USP34: variants seen among roughly 807,000 people sequenced by gnomAD.
USP34 encodes the protein ubiquitin specific peptidase 34, also known as ubiquitin carboxyl-terminal hydrolase 34.
In USP34, 70 loss-of-function variants were observed where a neutral mutation model predicts 460.3. The observed-to-expected ratio is 0.15, with a 90% confidence interval of 0.13 to 0.19. USP34 has a LOEUF of 0.19. USP34 is among the 10% of genes least tolerant of loss of function. USP34 has a pLI of 1.00. For missense variants in USP34, 3,985 were observed against 4,236.2 expected, an observed-to-expected ratio of 0.94 and a Z score of 1.65; for synonymous variants, 1,647 against 1,405.3, an observed-to-expected ratio of 1.17 and a Z score of -3.85.
chr2:61,300,791 G>A (rs1372420107), intron 29 of USP34, among the ~76,000 whole-genome samples, 160 bp downstream of exon 29: 3 of 143,746 alleles, frequency 2.1e-5, no homozygotes, highest in African/African-American at 2.6e-5. Flanking sequence ...GTGAGATGCC[G>A]TCTCAAAAAA....
intron 5 of USP34, among the ~76,000 whole-genome samples, chr2:61,394,648 G>C (rs574615213): frequency 2.0e-4 from 31 of 151,264 alleles, no homozygotes; most frequent in Admixed American, 7.3e-4. Flanking sequence ...ACCCCTTTTA[G>C]CTTTAAAACA....
chr2:61,319,831 G>A (rs776554150), intron 21 of USP34, among the ~76,000 whole-genome samples: 23 of 152,066 alleles, frequency 1.5e-4, no homozygotes, highest in South Asian at 1.2e-3. Context: ...GCAACAGCGC[G>A]AGATTCCATC....
intron 21 of USP34, among the ~76,000 whole-genome samples, chr2:61,319,534 T>C (rs1282566482): frequency 9.1e-6 from 1 of 109,930 alleles, no homozygotes; most frequent in Non-Finnish European, 1.9e-5. Flanking sequence ...AGCATATTTA[T>C]GATTAAAAAA....
At chr2:61,344,509 A>T (rs1022374443) in intron 15 of USP34, among the ~76,000 whole-genome samples, 2 of 152,234 alleles carry the variant, frequency 1.3e-5, no homozygotes, top group Admixed American at 1.3e-4. Flanking sequence ...TACCGGACAT[A>T]AAGACAAAAT....
intron 33 of USP34, among the ~76,000 whole-genome samples, chr2:61,292,400 C>T (rs145278839): frequency 1.1e-4 from 17 of 152,246 alleles, no homozygotes; most frequent in Non-Finnish European, 1.2e-4. Context: ...CAATAAGCCA[C>T]ATATTGGCAA....
Position 61,372,255 on chromosome 2 carries a change from A to G in USP34, c.1077-1676T>C, listed in dbSNP as rs1692650568. Reference sequence around the variant, plus strand: ...AAAAAAAAACCACTAGGACTTACACATATGGACCTCAAAGGGTAAAACATT... The same window carrying G: ...AAAAAAAAACCACTAGGACTTACACGTATGGACCTCAAAGGGTAAAACATT... On this transcript the variant is annotated intron_variant, in intron 8 of 79. Transcript: ENST00000398571. Among the ~76,000 whole-genome samples the G allele has an allele frequency of 3.3e-5, 5 of 152,250 alleles. No individual in the cohort carries two copies. The South Asian group carries it at 1.0e-3, about 32-fold the overall frequency.
Position 61,311,776 on chromosome 2 carries a change from G to C in USP34, c.3669+8C>G. The C allele has an allele frequency of 6.2e-7, 1 of 1,613,246 alleles. No homozygotes were observed. Among genetic ancestry groups the C allele is most frequent in the Non-Finnish European group, 8.5e-7 (1 of 1,179,750 alleles). On this transcript the variant is annotated splice_region_variant and intron_variant, in intron 26 of 79. Coordinates refer to ENST00000398571, the MANE Select transcript of USP34 (RefSeq NM_014709.4). ...TTATCAACTTCGAAATTAAAACTAT[G>C]TAAGTACCTTGTCAGGAAGTCCAGC...
At chr2:61,346,652 C>A (rs142507716) in intron 15 of USP34, among the ~76,000 whole-genome samples, 51 of 143,020 alleles carry the variant, frequency 3.6e-4, no homozygotes, top group African/African-American at 1.3e-3. Context: ...TGGTGAAACC[C>A]CATCCTACTA....
intron 1 of USP34, among the ~76,000 whole-genome samples, chr2:61,468,799 T>C (rs1558613698): frequency 6.6e-6 from 1 of 152,228 alleles, no homozygotes; most frequent in Non-Finnish European, 1.5e-5. Flanking sequence ...TTCTAGGGGT[T>C]TCCCAGATAA....
At chr2:61,248,413 T>A in intron 49 of USP34, 98 bp downstream of exon 49, 1 of 1,231,028 alleles carries the variant, frequency 8.1e-7, no homozygotes, top group Non-Finnish European at 1.1e-6. Context: ...GATTCAATTT[T>A]TGTTAACTGT....
At chr2:61,275,765 G>GT (rs1689355317) in intron 41 of USP34, among the ~76,000 whole-genome samples, 2 of 152,168 alleles carry the variant, frequency 1.3e-5, no homozygotes, top group Non-Finnish European at 1.5e-5. Context: ...CAAGTGAAGA[G>GT]TAAGTGACTC....
intron 1 of USP34, among the ~76,000 whole-genome samples, chr2:61,460,365 T>C (rs1463507156): frequency 6.6e-6 from 1 of 152,182 alleles, no homozygotes; most frequent in Admixed American, 6.5e-5. Flanking sequence ...ACCCATTAAG[T>C]CACTAAGTAG....
At chr2:61,307,402 C>G (rs549979101) in intron 27 of USP34, among the ~76,000 whole-genome samples, 8 of 151,784 alleles carry the variant, frequency 5.3e-5, no homozygotes, top group African/African-American at 1.9e-4. Context: ...CAACGTGGTA[C>G]GTGTATACAT....
At chr2:61,467,850 T>C (rs1239301680) in intron 1 of USP34, among the ~76,000 whole-genome samples, 3 of 152,040 alleles carry the variant, frequency 2.0e-5, no homozygotes, top group South Asian at 4.1e-4. Flanking sequence ...CTCGAGCTCC[T>C]GACCTTGTGA....
intron 1 of USP34, among the ~76,000 whole-genome samples, chr2:61,435,519 G>A (rs1450799744): frequency 2.6e-5 from 4 of 151,274 alleles, no homozygotes; most frequent in African/African-American, 4.9e-5. Context: ...CAGAAACGCA[G>A]GAGAAATAAA....
intron 5 of USP34, among the ~76,000 whole-genome samples, chr2:61,384,298 A>T (rs1693068344): frequency 6.6e-6 from 1 of 152,222 alleles, no homozygotes; most frequent in Admixed American, 6.5e-5. Context: ...TTTCAAAAAT[A>T]GTAAGAATAA....
rs971750747 is a variant in USP34, at chr2:61,344,138, A to G, written c.2286-109T>C. ...TACAAATACACTTAGAAACAAACCG[A>G]CATCTGCTTATTAACAATATGGAAT... On this transcript the variant is annotated intron_variant, in intron 15 of 79. Transcript: ENST00000398571. 9 of 948,390 alleles carry G rather than the reference A, an allele frequency of 9.5e-6. No individual in the cohort carries two copies. The African/African-American group carries it at 1.5e-4, about 16-fold the overall frequency. 58.7% of individuals were successfully genotyped at this position (948,390 alleles called of 1,614,324 possible).
chr2:61,283,126 C>A lies in USP34; in HGVS notation c.4998+19G>T. The A allele has an allele frequency of 6.2e-7, 1 of 1,610,678 alleles. No homozygotes were observed. The highest frequency in any genetic ancestry group is 1.7e-5 in the Admixed American group (1 of 59,732). On this transcript the variant is annotated intron_variant, in intron 37 of 79. Coordinates refer to ENST00000398571, the MANE Select transcript of USP34 (RefSeq NM_014709.4). ...AACATACAAAAAATAACAGTACTAA[C>A]CTTCAATCTTTATCTTACCTCAGGA...
In USP34 at chr2:61,187,572, C is replaced by T; in HGVS notation, c.*530G>A. On this transcript the variant is annotated 3_prime_UTR_variant, in exon 80 of 80. Transcript: ENST00000398571. ...TTTTACATCAAGTGTGCTTTATTTC[C>T]TCCACAGGTATTCTGTTAAATAAAG... 1.1e-6 allele frequency: 1 copy of T among 947,958 alleles called. No homozygotes were observed. The highest frequency in any genetic ancestry group is 4.9e-5 in the South Asian group (1 of 20,524). 58.7% of individuals were successfully genotyped at this position (947,958 alleles called of 1,614,324 possible).
Sources: allele counts gnomAD v4.1 joint callset (sites outside exome capture counted in the v4.1 genomes callset), GRCh38; gene constraint gnomAD v4.1.1; transcripts MANE v1.5; gene names NCBI Gene and HGNC (gene_info 2026-07-23, HGNC 2026-07-21).